Variants in GRM7 observed in about 807,000 individuals in gnomAD.
GRM7 encodes the protein metabotropic glutamate receptor 7.
In GRM7, 35 loss-of-function variants were observed where a neutral mutation model predicts 84.5. That is an observed-to-expected ratio of 0.41 (90% CI 0.32 to 0.55). The LOEUF is 0.55. Ranked by LOEUF, GRM7 falls within the 20% of genes least tolerant of loss-of-function variation. The pLI, the probability that GRM7 is intolerant of heterozygous loss-of-function variation, is 0.19. For synonymous variants in GRM7, 487 were observed against 455.1 expected, an observed-to-expected ratio of 1.07 and a Z score of -0.89; for missense variants, 1,003 against 1,194.6, an observed-to-expected ratio of 0.84 and a Z score of 2.36.
intron 7 of GRM7, among the ~76,000 whole-genome samples, chr3:7,462,050 TC>T (rs1326226596): frequency 6.6e-6 from 1 of 152,104 alleles, no homozygotes; most frequent in African/African-American, 2.4e-5. Flanking sequence ...TTCTTCTGCC[TC>T]CCCCCATTCC....
chr3:6,867,859 C>A (rs145211706), intron 1 of GRM7, among the ~76,000 whole-genome samples: 16 of 152,104 alleles, frequency 1.1e-4, no homozygotes, highest in African/African-American at 3.9e-4. Flanking sequence ...GTTGAGTCAA[C>A]CTTCTTCACA....
At chr3:7,734,814 G>A (rs186538681) in intron 9 of GRM7, among the ~76,000 whole-genome samples, 118 of 152,252 alleles carry the variant, frequency 7.8e-4, no homozygotes, top group African/African-American at 2.7e-3. Context: ...CTCAAGTTGA[G>A]GAATGTGCTA....
At chr3:7,159,751 C>T (rs562601650) in intron 2 of GRM7, among the ~76,000 whole-genome samples, 41 of 152,236 alleles carry the variant, frequency 2.7e-4, no homozygotes, top group African/African-American at 8.9e-4. Flanking sequence ...TGTGTCAGGA[C>T]GTAGTAAGGA....
At chr3:6,895,658 A>C (rs1696152756) in intron 1 of GRM7, among the ~76,000 whole-genome samples, 1 of 152,162 alleles carries the variant, frequency 6.6e-6, no homozygotes, top group Non-Finnish European at 1.5e-5. Flanking sequence ...CATTTGAGTA[A>C]GTTAATTTTA....
At chr3:7,556,736 G>C (rs1384909795) in intron 7 of GRM7, among the ~76,000 whole-genome samples, 1 of 152,136 alleles carries the variant, frequency 6.6e-6, no homozygotes, top group East Asian at 1.9e-4. Context: ...GACAATCATT[G>C]ACAATGAGAC....
chr3:7,037,473 T>C (rs1462269443), intron 1 of GRM7, among the ~76,000 whole-genome samples: 1 of 152,172 alleles, frequency 6.6e-6, no homozygotes, highest in Non-Finnish European at 1.5e-5. Flanking sequence ...GCATCCAGAA[T>C]TGTTTTAAGA....
At chr3:7,032,027 C>T (rs75127549) in intron 1 of GRM7, among the ~76,000 whole-genome samples, 2,120 of 152,220 alleles carry the variant, frequency 0.014, 42 homozygotes, top group African/African-American at 0.044. Flanking sequence ...TTATGTCCAA[C>T]GGAAGGATTT....
At chr3:6,986,024 T>C (rs145953342) in intron 1 of GRM7, among the ~76,000 whole-genome samples, 69 of 152,268 alleles carry the variant, frequency 4.5e-4, no homozygotes, top group African/African-American at 1.6e-3. Context: ...TGGTGACTAG[T>C]GATGATGAGA....
chr3:6,916,139 C>G (rs1395650073), intron 1 of GRM7, among the ~76,000 whole-genome samples: 2 of 152,080 alleles, frequency 1.3e-5, no homozygotes, highest in Non-Finnish European at 1.5e-5. Flanking sequence ...AGCAAATTTC[C>G]TGAAGGCTAC....
intron 1 of GRM7, among the ~76,000 whole-genome samples, chr3:7,020,778 T>G (rs1154370): frequency 0.6 from 90,477 of 152,028 alleles, 29,072 homozygotes; most frequent in African/African-American, 0.85. Context: ...TTTTTAGAGT[T>G]CCTACTATGC....
intron 1 of GRM7, among the ~76,000 whole-genome samples, chr3:6,996,547 C>T (rs536728170): frequency 2.6e-5 from 4 of 152,226 alleles, no homozygotes; most frequent in East Asian, 1.9e-4. Flanking sequence ...TGCTCCTGAA[C>T]GCTGTTTTCT....
At chr3:7,375,063 C>T (rs539234951) in intron 4 of GRM7, among the ~76,000 whole-genome samples, 93 of 152,206 alleles carry the variant, frequency 6.1e-4, no homozygotes, top group African/African-American at 1.9e-3. Context: ...AGCAGATCTC[C>T]TTGCCTTCAC....
chr3:7,308,446 T>C (rs1700274134), intron 4 of GRM7, among the ~76,000 whole-genome samples: 3 of 152,172 alleles, frequency 2.0e-5, no homozygotes, highest in African/African-American at 2.4e-5. Context: ...CATGGTTCTT[T>C]GCTGAAAGTT....
intron 9 of GRM7, among the ~76,000 whole-genome samples, chr3:7,713,114 A>ATTTTTTTTTTTTT (rs1165234212): frequency 1.5e-5 from 2 of 129,854 alleles, no homozygotes; most frequent in African/African-American, 3.1e-5. Context: ...GAGGATTCGA[A>ATTTTTTTTTTTTT]TTTTGTTTTG....
At chr3:7,573,444 AGT>A (rs1199498343) in intron 7 of GRM7, among the ~76,000 whole-genome samples, 7 of 152,140 alleles carry the variant, frequency 4.6e-5, no homozygotes, top group African/African-American at 1.4e-4. Context: ...TTTTAGATAG[AGT>A]GTGTCTGCGT....
chr3:7,601,683 G>T (rs73809455), intron 8 of GRM7, among the ~76,000 whole-genome samples: 1 of 152,086 alleles, frequency 6.6e-6, no homozygotes, highest in Non-Finnish European at 1.5e-5. Flanking sequence ...CAGGATTCAG[G>T]TTCTATGTGG....
intron 1 of GRM7, among the ~76,000 whole-genome samples, chr3:6,961,938 A>G (rs115878717): frequency 0.019 from 2,901 of 152,266 alleles, 100 homozygotes; most frequent in African/African-American, 0.066. Context: ...CTAACTACAA[A>G]CTTCCTACAG....
intron 1 of GRM7, among the ~76,000 whole-genome samples, chr3:7,138,839 G>A (rs1456474579): frequency 6.6e-6 from 1 of 151,220 alleles, no homozygotes; most frequent in Non-Finnish European, 1.5e-5. Flanking sequence ...CACAGGAAGT[G>A]CAGAATAGAT....
intron 2 of GRM7, among the ~76,000 whole-genome samples, chr3:7,220,248 C>CTT (rs1215485985): frequency 1.3e-5 from 2 of 152,160 alleles, no homozygotes; most frequent in East Asian, 3.9e-4. Context: ...GATGAAGTAA[C>CTT]TTTACAGTGG....
Sources: gnomAD v4.1 joint callset for allele counts (sites outside exome capture counted in the v4.1 genomes callset) on GRCh38, gnomAD v4.1.1 for gene constraint, MANE v1.5 for transcripts, NCBI Gene and HGNC (gene_info 2026-07-23, HGNC 2026-07-21) for gene names.